FAM120C: variants seen among roughly 807,000 people sequenced by gnomAD.
FAM120C encodes family with sequence similarity 120 member C.
In FAM120C, 14 loss-of-function variants were observed where a neutral mutation model predicts 71.2. The observed-to-expected ratio is 0.20, with a 90% CI of 0.13 to 0.31. The LOEUF (loss-of-function observed/expected upper bound fraction) is 0.31. Ranked by LOEUF, FAM120C falls within the 10% of genes least tolerant of loss-of-function variation. The probability of loss-of-function intolerance (pLI) is 1.00; values close to 1 mark genes in which losing one functional copy is unlikely to be tolerated. For synonymous variants in FAM120C, 354 were observed against 353.2 expected, an observed-to-expected ratio of 1.00 and a Z score of -0.03; for missense variants, 500 against 879.0, an observed-to-expected ratio of 0.57 and a Z score of 5.45.
chrX:54,118,234 A>AC (rs2066983067), intron 9 of FAM120C, among the ~76,000 whole-genome samples: 1 of 110,410 alleles, frequency 9.1e-6, no homozygotes, highest in African/African-American at 3.3e-5. Flanking sequence ...AAAAAAAAAA[A>AC]AAAGAACCTG....
chrX:54,139,862 A>G (rs1260858800), intron 4 of FAM120C, among the ~76,000 whole-genome samples: 7 of 110,833 alleles, frequency 6.3e-5, no homozygotes, highest in Non-Finnish European at 1.1e-4. Context: ...CAGGATCTAT[A>G]CAGCATTCCA....
At chrX:54,076,952 C>T (rs5960719) in intron 15 of FAM120C, among the ~76,000 whole-genome samples, 16,261 of 110,763 alleles carry the variant, frequency 0.15, 2,298 homozygotes, top group African/African-American at 0.44. Flanking sequence ...ATTAGCTGGG[C>T]ATGGTGGCAT....
At chrX:54,117,693 G>A (rs782549250) in intron 9 of FAM120C, among the ~76,000 whole-genome samples, 2 of 106,579 alleles carry the variant, frequency 1.9e-5, no homozygotes, top group Non-Finnish European at 3.9e-5. Context: ...GCGAGACTTC[G>A]TTTGAAAAAA....
intron 4 of FAM120C, among the ~76,000 whole-genome samples, chrX:54,140,048 C>T (rs781954629): frequency 9.0e-6 from 1 of 110,890 alleles, no homozygotes; most frequent in South Asian, 3.9e-4. Context: ...ATTCCCAGCA[C>T]TCTGGGAGGC....
intron 10 of FAM120C, among the ~76,000 whole-genome samples, chrX:54,110,017 T>TG (rs1258633708): frequency 1.1e-5 from 1 of 91,217 alleles, no homozygotes; most frequent in Non-Finnish European, 2.2e-5. Flanking sequence ...ATATCTTTTT[T>TG]TTTTTTTTTT....
At chrX:54,083,433 C>CCCCACACACACA (rs1557121562) in intron 13 of FAM120C, among the ~76,000 whole-genome samples, 2 of 78,930 alleles carry the variant, frequency 2.5e-5, no homozygotes, top group African/African-American at 9.5e-5. Flanking sequence ...GACCCCATCT[C>CCCCACACACACA]CACACACACA....
rs782004216 is a variant in FAM120C at position 54,114,732 on chromosome X, C to T, written c.2312+1813G>A. On this transcript the variant is annotated intron_variant, in intron 10 of 15. Transcript: ENST00000375180. ...GGGGTTACAGGTGTGAGCCACTGCA[C>T]CCAGCCTAATTTTGTTTGTTTGTTT... is the stretch of plus-strand genomic sequence containing the variant. Among the ~76,000 whole-genome samples the T allele has an allele frequency of 2.0e-4, 22 of 108,526 alleles. 1 individual carries two copies. In the Admixed American group the frequency reaches 2.2e-3, roughly 11 times the overall value. 94.2% of individuals were successfully genotyped at this position (108,526 alleles called of 115,157 possible). A position where few individuals can be genotyped will look rare whatever the true frequency, so the allele number is the denominator to read the frequency against.
At chrX:54,074,477 G>A (rs1557120396) in intron 15 of FAM120C, among the ~76,000 whole-genome samples, 2 of 112,644 alleles carry the variant, frequency 1.8e-5, no homozygotes, top group African/African-American at 6.4e-5. Context: ...GGAGTGCAAT[G>A]GCACGAACTC....
intron 8 of FAM120C, among the ~76,000 whole-genome samples, chrX:54,133,158 G>C (rs1266779195): frequency 9.0e-6 from 1 of 111,175 alleles, no homozygotes; most frequent in Non-Finnish European, 1.9e-5. Context: ...TCTAGACCAG[G>C]TGAAACCCCG....
chrX:54,087,403 T>C (rs1322916238), intron 12 of FAM120C, among the ~76,000 whole-genome samples: 2 of 109,432 alleles, frequency 1.8e-5, no homozygotes, highest in South Asian at 3.9e-4. Context: ...AAAAAAAAAA[T>C]TGCTTGCAAA....
At chrX:54,105,142 C>T (rs1270058948) in intron 10 of FAM120C, among the ~76,000 whole-genome samples, 3 of 111,577 alleles carry the variant, frequency 2.7e-5, no homozygotes, top group East Asian at 5.6e-4. Flanking sequence ...TGATGAACAT[C>T]GATGCGAAAA....
At chrX:54,107,255 C>A (rs1020224668) in intron 10 of FAM120C, among the ~76,000 whole-genome samples, 2 of 109,085 alleles carry the variant, frequency 1.8e-5, no homozygotes, top group Non-Finnish European at 3.8e-5. Context: ...TACCACCATG[C>A]CTGGCTAATT....
chrX:54,155,706 G>A (rs2067206185), intron 3 of FAM120C, among the ~76,000 whole-genome samples: 1 of 111,071 alleles, frequency 9.0e-6, no homozygotes, highest in South Asian at 3.8e-4. Context: ...ATAGATGCAT[G>A]CTTACACAAT....
chrX:54,099,859 T>C (rs2066873492), intron 10 of FAM120C, among the ~76,000 whole-genome samples: 1 of 112,500 alleles, frequency 8.9e-6, no homozygotes, highest in Non-Finnish European at 1.9e-5. Context: ...TTTTGGTTAC[T>C]ATACTTTTGT....
chrX:54,090,339 C>A (rs1335173571), intron 11 of FAM120C, among the ~76,000 whole-genome samples: 1 of 109,330 alleles, frequency 9.1e-6, no homozygotes, highest in African/African-American at 3.3e-5. Context: ...TCGAACAATT[C>A]TCCTGCCTCA....
intron 11 of FAM120C, among the ~76,000 whole-genome samples, chrX:54,089,874 G>A (rs1427602105): frequency 9.1e-6 from 1 of 109,602 alleles, no homozygotes; most frequent in African/African-American, 3.3e-5. Context: ...CAGGAGAACC[G>A]CTTGAACCTG....
At chrX:54,131,041 T>C (rs933879898) in intron 9 of FAM120C, among the ~76,000 whole-genome samples, 13 of 111,998 alleles carry the variant, frequency 1.2e-4, no homozygotes. Flanking sequence ...GATAATGTCC[T>C]GGGCTTTTAG....
chrX:54,183,226 G>T lies in FAM120C; in HGVS notation c.-28C>A, dbSNP rs1557137953. On this transcript the variant is annotated 5_prime_UTR_variant, in exon 1 of 16. Transcript: ENST00000375180. ...TTCGTCGGTGGGCAGACGCGATAGC[G>T]GCTGCGCAAGCAGGATAGGCGACGA... The T allele has an allele frequency of 2.9e-6, 3 of 1,045,167 alleles. No individual in the cohort carries two copies. Among genetic ancestry groups the T allele is most frequent in the East Asian group, 7.7e-5 (2 of 26,000 alleles). 86.1% of individuals were successfully genotyped at this position (1,045,167 alleles called of 1,213,427 possible).
chrX:54,173,405 C>T (rs1169249211), intron 1 of FAM120C, among the ~76,000 whole-genome samples: 1 of 111,714 alleles, frequency 9.0e-6, no homozygotes, highest in African/African-American at 3.3e-5. Flanking sequence ...TGCGCCACCA[C>T]GCCCGGCTAA....
Sources: gnomAD v4.1 joint callset for allele counts (sites outside exome capture counted in the v4.1 genomes callset) on GRCh38, gnomAD v4.1.1 for gene constraint, MANE v1.5 for transcripts, NCBI Gene and HGNC (gene_info 2026-07-23, HGNC 2026-07-21) for gene names.